The following EBI3 variants were observed in gnomAD, a reference collection of about 807,000 sequenced individuals.
EBI3 encodes the protein Epstein-Barr virus induced 3.
EBI3 carries 19 observed loss-of-function variants against 21.3 expected under a neutral mutation model. The observed-to-expected ratio is 0.89, with a 90% CI of 0.62 to 1.31. EBI3 has a LOEUF of 1.31. Among genes scored for constraint, EBI3 ranks in the 50% most tolerant of loss-of-function variants. The probability of loss-of-function intolerance (pLI) is 0.00; values close to 1 mark genes in which losing one functional copy is unlikely to be tolerated. For missense variants in EBI3, 331 were observed against 314.0 expected (o/e 1.05, Z -0.41); for synonymous variants, 154 against 131.2 (o/e 1.17, Z -1.19).
At chr19:4,233,358 G>C (rs552811735) in intron 3 of EBI3, 51 bp downstream of exon 3, 7 of 1,521,038 alleles carry the variant, frequency 4.6e-6, no homozygotes, top group Non-Finnish European at 6.2e-6. Flanking sequence ...TCTCCTTCCA[G>C]CTCCCCCCAC....
intron 3 of EBI3, 30 bp downstream of exon 3, chr19:4,233,337 C>A (rs369144589): frequency 4.1e-6 from 2 of 489,950 alleles, no homozygotes; most frequent in East Asian, 1.2e-4. Context: ...GGGGCGGGGG[C>A]GGGGCTGCCG....
chr19:4,234,066 C>G (rs911816210), intron 3 of EBI3, among the ~76,000 whole-genome samples: 6 of 152,128 alleles, frequency 3.9e-5, no homozygotes, highest in Non-Finnish European at 5.9e-5. Context: ...ATTAGCTGGG[C>G]ATAGTGGCAG....
rs1220774435 is a variant in EBI3, at chr19:4,233,182, C to T, written c.254C>T (p.Thr85Met). ...TGGCCCTGCCTGCAGCAGACGCCAA[C>T]GTCCACCAGCTGCACCATCACGGAT... is the stretch of plus-strand genomic sequence containing the variant. ...HSWPCLQQTPTSTSCTITDVQ... is the reference protein window; with the variant it reads ...HSWPCLQQTPMSTSCTITDVQ... The change falls in exon 3 of 5, where the codon ACG (threonine) becomes ATG (methionine). Residue 85 changes from threonine (T) to methionine (M), a missense_variant. Transcript: ENST00000221847. 2 of 1,610,170 alleles carry T rather than the reference C, an allele frequency of 1.2e-6. No homozygotes were observed. The highest frequency in any genetic ancestry group is 2.2e-5 in the East Asian group (1 of 44,872).
intron 3 of EBI3, 75 bp from the exon 4 acceptor site, chr19:4,234,592 T>G: frequency 6.5e-7 from 1 of 1,548,990 alleles, no homozygotes; most frequent in Non-Finnish European, 8.7e-7. Flanking sequence ...CATAATATGT[T>G]GGTTGAATGA....
Position 4,237,049 on chromosome 19 carries a change from G to C in EBI3, c.651G>C (p.Trp217Cys), listed in dbSNP as rs1349839219. 6.4e-7 allele frequency: 1 copy of C among 1,556,942 alleles called. No individual in the cohort carries two copies. ...DLTDYGELSD[W>C]SLPATATMSL... is the part of the protein sequence containing the mutation. ...CAGACTACGGGGAACTGAGTGACTGGAGTCTCCCCGCCACTGCCACAATGA... is the reference window on the plus strand; with the variant it reads ...CAGACTACGGGGAACTGAGTGACTGCAGTCTCCCCGCCACTGCCACAATGA... The change falls in exon 5 of 5, where the codon TGG becomes TGC. Residue 217 changes from tryptophan (W) to cysteine (C), a missense_variant. Trp to Cys is a radical substitution (Grantham distance 215). Transcript: ENST00000221847.
At position 4,233,200 on chromosome 19, in the gene EBI3, T is replaced by A; in HGVS notation, c.272T>A (p.Ile91Asn). The change falls in exon 3 of 5, where the codon ATC becomes AAC. Residue 91 changes from isoleucine (I) to asparagine (N), a missense_variant. Transcript: ENST00000221847. The stretch of plus-strand genomic sequence containing the variant: ...ACGCCAACGTCCACCAGCTGCACCA[T>A]CACGGATGTCCAGCTGTTCTCCATG... ...QQTPTSTSCT[I>N]TDVQLFSMAP... 6.2e-7 allele frequency: 1 copy of A among 1,612,220 alleles called. No homozygotes were observed. Among genetic ancestry groups the A allele is most frequent in the Non-Finnish European group, 8.5e-7 (1 of 1,179,882 alleles).
Position 4,229,545 on chromosome 19 carries a change from G to A in EBI3, c.-6G>A, listed in dbSNP as rs548772021. ...CCCACTCCTGAGAGCAGAGCTGGCC[G>A]CAGCCATGACCCCGCAGCTTCTCCT... On this transcript the variant is annotated 5_prime_UTR_variant, in exon 1 of 5. Transcript: ENST00000221847. 9.9e-6 allele frequency: 16 copies of A among 1,608,804 alleles called. No homozygotes were observed. The highest frequency in any genetic ancestry group is 4.4e-5 in the South Asian group (4 of 89,906).
At position 4,229,539 on chromosome 19, in the gene EBI3, C is replaced by A. The variant is rs1386333257; in HGVS notation, c.-12C>A. 6.2e-7 allele frequency: 1 copy of A among 1,607,944 alleles called. No homozygotes were observed. The highest frequency in any genetic ancestry group is 1.3e-5 in the African/African-American group (1 of 74,822). On this transcript the variant is annotated 5_prime_UTR_variant, in exon 1 of 5. In the 5' UTR this introduces an upstream ATG that the reference lacks. Coordinates refer to ENST00000221847, the MANE Select transcript of EBI3 (RefSeq NM_005755.3). Reference sequence around the variant, plus strand: ...TTCCCACCCACTCCTGAGAGCAGAGCTGGCCGCAGCCATGACCCCGCAGCT... The same window carrying A: ...TTCCCACCCACTCCTGAGAGCAGAGATGGCCGCAGCCATGACCCCGCAGCT...
chr19:4,234,373 G>T (rs1970817653), intron 3 of EBI3, among the ~76,000 whole-genome samples: 1 of 151,966 alleles, frequency 6.6e-6, no homozygotes, highest in Admixed American at 6.6e-5. Context: ...TCACTGTTTT[G>T]TCCCCTCTGT....
chr19:4,237,308 C>T lies in EBI3; in HGVS notation c.*220C>T, dbSNP rs904389243. ...GTACTACTCTCTCCTTTACCTTTAC[C>T]TTTACCACAGTGCAGGGCTGACTGA... On this transcript the variant is annotated 3_prime_UTR_variant, in exon 5 of 5. Transcript: ENST00000221847. 1.7e-5 allele frequency: 7 copies of T among 423,190 alleles called. No homozygotes were observed. The highest frequency in any genetic ancestry group is 2.9e-5 in the Non-Finnish European group (7 of 243,378). 26.2% of individuals were successfully genotyped at this position (423,190 alleles called of 1,614,324 possible).
intron 4 of EBI3, among the ~76,000 whole-genome samples, chr19:4,235,739 G>T (rs1970831707): frequency 6.6e-6 from 1 of 152,010 alleles, no homozygotes; most frequent in Non-Finnish European, 1.5e-5. Context: ...ACCAGCCTGG[G>T]TAACATAGTG....
Position 4,231,213 on chromosome 19 carries a change from GC to G in EBI3, c.94del (p.Arg32GlyfsTer91). 1 of 1,604,550 alleles carries G rather than the reference GC, an allele frequency of 6.2e-7. No individual in the cohort carries two copies. ...CAGGGCCCCCAGCAGCTCTGACACT[GC>G]CCCGGGTGCAATGCCGAGCCTCTCG... is the stretch of plus-strand genomic sequence containing the variant. ...RKGPPAALTL[P>X]RVQCRASRYP... On this transcript the variant is annotated frameshift_variant, in exon 2 of 5. Transcript: ENST00000221847. LOFTEE classifies it high-confidence loss of function.
At chr19:4,235,804 CT>C (rs2144678067) in intron 4 of EBI3, among the ~76,000 whole-genome samples, 1 of 152,250 alleles carries the variant, frequency 6.6e-6, no homozygotes, top group African/African-American at 2.4e-5. Context: ...TGACACACAC[CT>C]GTACCCCCAG....
chr19:4,233,184 T>G lies in EBI3; in HGVS notation c.256T>G (p.Ser86Ala), dbSNP rs139648421. 2 of 1,610,510 alleles carry G rather than the reference T, an allele frequency of 1.2e-6. No individual in the cohort carries two copies. Among genetic ancestry groups the G allele is most frequent in the African/African-American group, 2.7e-5 (2 of 74,892 alleles). The part of the protein sequence containing the change: ...SWPCLQQTPT[S>A]TSCTITDVQL... ...GCCCTGCCTGCAGCAGACGCCAACG[T>G]CCACCAGCTGCACCATCACGGATGT... The change falls in exon 3 of 5, where the codon TCC becomes GCC. Residue 86 changes from serine (S) to alanine (A), a missense_variant. Physicochemically the swap from Ser to Ala is moderately conservative, Grantham distance 99 (BLOSUM62 1). Transcript: ENST00000221847.
chr19:4,233,410 A>G, intron 3 of EBI3, 103 bp downstream of exon 3: 3 of 1,331,488 alleles, frequency 2.3e-6, no homozygotes, highest in Non-Finnish European at 2.0e-6. Context: ...CTGCACCTTC[A>G]CACTTAAGCA....
At chr19:4,231,047 A>G in intron 1 of EBI3, 144 bp from the exon 2 acceptor site, 2 of 1,118,006 alleles carry the variant, frequency 1.8e-6, no homozygotes, top group Non-Finnish European at 2.4e-6. Flanking sequence ...ACTTTTGTCC[A>G]TGTACCTATT....
chr19:4,234,913 C>A (rs1045197708), intron 4 of EBI3, 89 bp downstream of exon 4: 1 of 1,540,966 alleles, frequency 6.5e-7, no homozygotes, highest in Non-Finnish European at 8.8e-7. Flanking sequence ...TGGGCTCTTG[C>A]ACATAGCTTG....
At chr19:4,235,308 C>T (rs960787509) in intron 4 of EBI3, among the ~76,000 whole-genome samples, 3 of 137,622 alleles carry the variant, frequency 2.2e-5, no homozygotes, top group Non-Finnish European at 4.4e-5. Flanking sequence ...CGTGAGCCAC[C>T]GAATTGTTCA....
At position 4,234,773 on chromosome 19, in the gene EBI3, A is replaced by G. The variant is rs763884133; in HGVS notation, c.486A>G (p.Ser162=). 1.6e-5 allele frequency: 26 copies of G among 1,613,972 alleles called. No homozygotes were observed. Among genetic ancestry groups the G allele is most frequent in the Non-Finnish European group, 2.0e-5 (24 of 1,180,024 alleles). The change falls in exon 4 of 5, where the codon TCA becomes TCG. Residue 162 remains serine (S), a synonymous_variant. Coordinates refer to ENST00000221847, the MANE Select transcript of EBI3 (RefSeq NM_005755.3). ...CCTGGCCCTTCCCAGAGATCTTCTCACTGAAGTACTGGATCCGTTACAAGC... is the reference window on the plus strand; with the variant it reads ...CCTGGCCCTTCCCAGAGATCTTCTCGCTGAAGTACTGGATCCGTTACAAGC... ...PGSWPFPEIF[S]LKYWIRYKRQ... is the part of the protein sequence containing the mutation.
Sources: gnomAD v4.1 joint callset for allele counts (sites outside exome capture counted in the v4.1 genomes callset) on GRCh38, gnomAD v4.1.1 for gene constraint, MANE v1.5 for transcripts, NCBI Gene and HGNC (gene_info 2026-07-23, HGNC 2026-07-21) for gene names.